Variants in MID1 observed in about 807,000 individuals in gnomAD.
The protein encoded by MID1 is midline 1, also known as E3 ubiquitin-protein ligase Midline-1.
A neutral mutation model predicts 40.4 loss-of-function variants in MID1; 7 were observed. That is an observed-to-expected ratio of 0.17 (90% CI 0.10 to 0.33). The LOEUF is 0.33. Among genes scored for constraint, MID1 ranks in the 10% least tolerant of loss-of-function variants. The pLI is 1.00. For synonymous variants in MID1, 229 were observed against 221.2 expected (o/e 1.04, Z -0.31); for missense variants, 367 against 558.5 (o/e 0.66, Z 3.46).
At chrX:10,671,843 C>A (rs1008923888) in intron 1 of MID1, among the ~76,000 whole-genome samples, 1 of 111,545 alleles carries the variant, frequency 9.0e-6, no homozygotes, top group African/African-American at 3.3e-5. Flanking sequence ...GAAACCTGAT[C>A]ATTTTCATTT....
At chrX:10,771,077 G>C (rs1372416562) in intron 1 of MID1, among the ~76,000 whole-genome samples, 1 of 106,331 alleles carries the variant, frequency 9.4e-6, no homozygotes, top group East Asian at 2.9e-4. Flanking sequence ...CTGCACTCCA[G>C]CTGGGTGAGA....
intron 2 of MID1, among the ~76,000 whole-genome samples, chrX:10,543,880 C>A (rs1444268041): frequency 1.8e-5 from 2 of 109,423 alleles, no homozygotes; most frequent in Non-Finnish European, 3.8e-5. Flanking sequence ...TTGGCATGCA[C>A]CTGTAATCCC....
chrX:10,716,515 A>G (rs1755470340), intron 1 of MID1, among the ~76,000 whole-genome samples: 1 of 111,934 alleles, frequency 8.9e-6, no homozygotes, highest in South Asian at 3.7e-4. Context: ...AAAGAAATGA[A>G]CAAAGCCTCC....
At chrX:10,485,708 T>C (rs1213792295) in intron 4 of MID1, among the ~76,000 whole-genome samples, 1 of 112,038 alleles carries the variant, frequency 8.9e-6, no homozygotes, top group East Asian at 2.8e-4. Context: ...CTTATTTTTA[T>C]ATAAATCTTT....
At chrX:10,538,772 T>G (rs894159419) in intron 2 of MID1, among the ~76,000 whole-genome samples, 4 of 112,155 alleles carry the variant, frequency 3.6e-5, no homozygotes, top group Non-Finnish European at 7.5e-5. Flanking sequence ...CACAACATCT[T>G]AACATCTAGC....
At position 10,463,366 on chromosome X, in the gene MID1, G is replaced by A. The variant is rs186632066; in HGVS notation, c.1286-3559C>T. Among the ~76,000 whole-genome samples, 20 of 111,785 alleles carry A rather than the reference G, an allele frequency of 1.8e-4. No individual in the cohort carries two copies. The East Asian group carries it at 4.8e-3, about 27-fold the overall frequency. ...GTGAAGGAACCATGACCTAGAGACA[G>A]TAAAAGATTTTCTAGTGATATAAGG... On this transcript the variant is annotated intron_variant, in intron 7 of 9. Coordinates refer to ENST00000317552, the MANE Select transcript of MID1 (RefSeq NM_000381.4).
intron 3 of MID1, 97 bp downstream of exon 3, chrX:10,522,995 G>C: frequency 1.5e-6 from 1 of 661,846 alleles, no homozygotes; most frequent in Non-Finnish European, 2.4e-6. Flanking sequence ...TTTTAAGAAA[G>C]ATTCTTGTTT....
intron 3 of MID1, among the ~76,000 whole-genome samples, chrX:10,503,017 A>C (rs189332847): frequency 2.5e-4 from 28 of 112,101 alleles, no homozygotes; most frequent in African/African-American, 9.1e-4. Flanking sequence ...GAAGTAACTG[A>C]AACAAAACAG....
intron 8 of MID1, among the ~76,000 whole-genome samples, chrX:10,457,009 CTATCAGAGA>C (rs1002759739): frequency 2.7e-5 from 3 of 111,640 alleles, no homozygotes; most frequent in Non-Finnish European, 5.6e-5. Flanking sequence ...ATGCTAGCAA[CTATCAGAGA>C]TAAACTATGA....
chrX:10,561,514 A>T (rs1375033812), intron 2 of MID1, among the ~76,000 whole-genome samples: 1 of 107,194 alleles, frequency 9.3e-6, no homozygotes. Context: ...ACTTAAACAA[A>T]TTTACAAGAA....
chrX:10,787,063 G>A (rs957384350), intron 1 of MID1, among the ~76,000 whole-genome samples: 2 of 111,528 alleles, frequency 1.8e-5, no homozygotes, highest in African/African-American at 6.5e-5. Flanking sequence ...TTCTAAGACA[G>A]TAGGAAAAGA....
rs757212707 is a variant in MID1 at position 10,823,840 on chromosome X, T to C, written c.-187+9714A>G. On this transcript the variant is annotated intron_variant, in intron 1 of 10. Transcript: ENST00000380785. ...GCGACAATACAGATTAATTCTTTTA[T>C]TTTGGAATATAGCAATATGCACATT... Among the ~76,000 whole-genome samples the C allele has an allele frequency of 1.3e-3, 143 of 111,671 alleles. 1 individual carries two copies. Among genetic ancestry groups the C allele is most frequent in the African/African-American group, 4.3e-3 (132 of 30,778 alleles).
At chrX:10,806,922 AC>A (rs2044052489) in intron 1 of MID1, among the ~76,000 whole-genome samples, 1 of 112,019 alleles carries the variant, frequency 8.9e-6, no homozygotes, top group South Asian at 3.8e-4. Context: ...ATTAAAAAAA[AC>A]ATTTAATTAG....
Position 10,581,570 on chromosome X carries a change from T to G in MID1, c.-56-13967A>C, listed in dbSNP as rs376744232. On this transcript the variant is annotated intron_variant, in intron 1 of 9. Coordinates refer to ENST00000317552, the MANE Select transcript of MID1 (RefSeq NM_000381.4). ...TGGGGTCCTTCTTCCCTTCTTGTCC[T>G]GAATCGCCTCTTCCCACTCTTCTTT... 4.5e-5 allele frequency among the ~76,000 whole-genome samples: 5 copies of G among 112,061 alleles called. No individual in the cohort carries two copies. In the East Asian group the frequency reaches 1.4e-3, roughly 32 times the overall value.
intron 1 of MID1, among the ~76,000 whole-genome samples, chrX:10,573,887 T>C (rs1934804791): frequency 1.8e-5 from 2 of 111,624 alleles, no homozygotes; most frequent in Admixed American, 9.5e-5. Context: ...ATGCACATGA[T>C]GTGGGATTTA....
At chrX:10,768,285 C>A (rs1017426007) in intron 1 of MID1, among the ~76,000 whole-genome samples, 6 of 110,665 alleles carry the variant, frequency 5.4e-5, no homozygotes, top group Admixed American at 1.9e-4. Context: ...GGCTATATAA[C>A]TGTAAATAGC....
At position 10,772,088 on chromosome X, in the gene MID1, C is replaced by T. The variant is rs1302317822; in HGVS notation, c.-187+61466G>A. Among the ~76,000 whole-genome samples, 5 of 110,424 alleles carry T rather than the reference C, an allele frequency of 4.5e-5. No homozygotes were observed. In the Admixed American group the frequency reaches 4.9e-4, roughly 11 times the overall value. ...AATTCGCAATTGCAAAAATGTGGAACCAACCCAAATGGCCATCAATCAAGT... is the reference window on the plus strand; with the variant it reads ...AATTCGCAATTGCAAAAATGTGGAATCAACCCAAATGGCCATCAATCAAGT... On this transcript the variant is annotated intron_variant, in intron 1 of 10. Transcript: ENST00000380785.
chrX:10,553,399 C>T (rs923033355), intron 2 of MID1, among the ~76,000 whole-genome samples: 3 of 111,141 alleles, frequency 2.7e-5, no homozygotes, highest in African/African-American at 6.5e-5. Context: ...GACTGATTAG[C>T]GATCCTAGAA....
At chrX:10,769,695 T>C (rs2147125686) in intron 1 of MID1, among the ~76,000 whole-genome samples, 1 of 112,297 alleles carries the variant, frequency 8.9e-6, no homozygotes, top group South Asian at 3.7e-4. Flanking sequence ...TTCTTTTCAA[T>C]AAAAAGATTA....
Sources: allele counts gnomAD v4.1 joint callset (sites outside exome capture counted in the v4.1 genomes callset), GRCh38; gene constraint gnomAD v4.1.1; transcripts MANE v1.5; gene names NCBI Gene and HGNC (gene_info 2026-07-23, HGNC 2026-07-21).